NCOA5: variants seen among roughly 807,000 people sequenced by gnomAD.
NCOA5 encodes NCoA-5.
In NCOA5, 12 loss-of-function variants were observed where a neutral mutation model predicts 59.0. That is an observed-to-expected ratio of 0.20 (90% CI 0.13 to 0.33). The LOEUF (loss-of-function observed/expected upper bound fraction) is 0.33. Among genes scored for constraint, NCOA5 ranks in the 10% least tolerant of loss-of-function variants. The probability of loss-of-function intolerance (pLI) is 1.00; values close to 1 mark genes in which losing one functional copy is unlikely to be tolerated. For missense variants in NCOA5, 655 were observed against 766.6 expected (o/e 0.85, Z 1.72); for synonymous variants, 270 against 275.5 (o/e 0.98, Z 0.20).
At chr20:46,086,826 C>T (rs1177169989) in intron 1 of NCOA5, among the ~76,000 whole-genome samples, 1 of 152,154 alleles carries the variant, frequency 6.6e-6, no homozygotes, top group Non-Finnish European at 1.5e-5. Context: ...TCAAAATATT[C>T]ATGAGAGGAT....
Position 46,061,427 on chromosome 20 carries a change from C to T in NCOA5, c.*873G>A, listed in dbSNP as rs1678271141. 6.6e-6 allele frequency: 1 copy of T among 152,548 alleles called. No individual in the cohort carries two copies. The highest frequency in any genetic ancestry group is 2.4e-5 in the African/African-American group (1 of 41,404). The allele number at this position is 152,548 out of a possible 1,614,324, so 9.4% of individuals were successfully genotyped here. A position where few individuals can be genotyped will look rare whatever the true frequency, so the allele number is the denominator to read the frequency against. Reference sequence around the variant, plus strand: ...TCAGGAAACAGAATAAGAGTCTAGACAAAAACAAGAGCCTGGGGTTTTGAG... The same window carrying T: ...TCAGGAAACAGAATAAGAGTCTAGATAAAAACAAGAGCCTGGGGTTTTGAG... On this transcript the variant is annotated 3_prime_UTR_variant, in exon 8 of 8. Coordinates refer to ENST00000290231, the MANE Select transcript of NCOA5 (RefSeq NM_020967.3).
At chr20:46,080,383 T>C (rs999568449) in intron 1 of NCOA5, among the ~76,000 whole-genome samples, 1 of 152,002 alleles carries the variant, frequency 6.6e-6, no homozygotes, top group African/African-American at 2.4e-5. Flanking sequence ...ATACTTCAGA[T>C]GAATGAAGAA....
rs752861803 is a variant in NCOA5 at position 46,067,058 on chromosome 20, G to A, written c.626C>T (p.Thr209Ile). 1 of 1,613,164 alleles carries A rather than the reference G, an allele frequency of 6.2e-7. No homozygotes were observed. The highest frequency in any genetic ancestry group is 8.5e-7 in the Non-Finnish European group (1 of 1,179,746). ...DCSVIVVNKQ[T>I]KDYAESVGRK... Reference sequence around the variant, plus strand: ...AGAAATATCTAAGGGTTCTTACTTTGTCTGTTTGTTGACCACAATCACAGA... The same window carrying A: ...AGAAATATCTAAGGGTTCTTACTTTATCTGTTTGTTGACCACAATCACAGA... Residue 209 changes from threonine to isoleucine, a missense_variant, in exon 5 of 8, where the codon ACA becomes ATA. By Grantham distance (89) the Thr-to-Ile change is moderately conservative. This residue lies in a region of NCOA5 where 80 missense variants were observed against 153.3 expected (regional missense o/e 0.52). Coordinates refer to ENST00000290231, the MANE Select transcript of NCOA5 (RefSeq NM_020967.3).
At chr20:46,078,499 G>A (rs980321502) in intron 2 of NCOA5, among the ~76,000 whole-genome samples, 1 of 151,570 alleles carries the variant, frequency 6.6e-6, no homozygotes, top group Admixed American at 6.6e-5. Context: ...TGTTTCTGGG[G>A]AAAACTGGCT....
rs780938931 is a variant in NCOA5 at position 46,070,425 on chromosome 20, G to A, written c.150C>T (p.Asp50=). ...RDGRNGRDAR[D]SRDIRDPRDL... ...CTCGGGGGTCTCGAATGTCTCTGCT[G>A]TCCCGGGCATCCCGGCCATTTCTGC... Residue 50 remains aspartate, a synonymous_variant, in exon 3 of 8, where the codon GAC becomes GAT. Transcript: ENST00000290231. 2 of 1,613,788 alleles carry A rather than the reference G, an allele frequency of 1.2e-6. No individual in the cohort carries two copies. The highest frequency in any genetic ancestry group is 8.5e-7 in the Non-Finnish European group (1 of 1,179,942).
At chr20:46,082,969 G>C (rs2085007363) in intron 1 of NCOA5, among the ~76,000 whole-genome samples, 1 of 152,246 alleles carries the variant, frequency 6.6e-6, no homozygotes, top group South Asian at 2.1e-4. Context: ...AAATAAAAAT[G>C]CATGTTTCTT....
At chr20:46,071,552 C>T (rs183376836) in intron 2 of NCOA5, among the ~76,000 whole-genome samples, 276 of 152,298 alleles carry the variant, frequency 1.8e-3, no homozygotes, top group Non-Finnish European at 3.1e-3. Flanking sequence ...TCAATTCATT[C>T]AACACATAAA....
At chr20:46,085,733 T>C (rs2145556132) in intron 1 of NCOA5, among the ~76,000 whole-genome samples, 1 of 152,228 alleles carries the variant, frequency 6.6e-6, no homozygotes, top group East Asian at 1.9e-4. Context: ...AGAGTTGGAC[T>C]AGATCCAGAT....
At chr20:46,065,549 A>T (rs1240949017) in intron 5 of NCOA5, among the ~76,000 whole-genome samples, 1 of 152,180 alleles carries the variant, frequency 6.6e-6, no homozygotes, top group Non-Finnish European at 1.5e-5. Flanking sequence ...GGTAGGCTGC[A>T]CAACACAGTG....
intron 1 of NCOA5, among the ~76,000 whole-genome samples, chr20:46,085,218 T>C (rs1047649355): frequency 6.6e-6 from 1 of 151,676 alleles, no homozygotes; most frequent in African/African-American, 2.4e-5. Flanking sequence ...TTTGAGATAC[T>C]GTCTCCCTAT....
At chr20:46,080,292 T>C (rs572381977) in intron 1 of NCOA5, among the ~76,000 whole-genome samples, 2 of 152,316 alleles carry the variant, frequency 1.3e-5, no homozygotes, top group Admixed American at 6.5e-5. Context: ...ATAAATACCA[T>C]GTACTAAGAA....
At position 46,062,505 on chromosome 20, in the gene NCOA5, G is replaced by A; in HGVS notation, c.1535C>T (p.Pro512Leu). The change falls in exon 8 of 8, where the codon CCT (proline) becomes CTT (leucine). Residue 512 changes from proline to leucine, a missense_variant. Pro to Leu is a moderately conservative substitution (Grantham distance 98). This residue lies in a region of NCOA5 where 325 missense variants were observed against 353.2 expected (regional missense o/e 0.92). Transcript: ENST00000290231. ...GCTAGCAGGTGCCAGGCGACTGGAA[G>A]GCTGGCCAAAAAGCCCTTGGGAAGG... ...GAPSQGLFGQ[P>L]SSRLAPASNM... is the part of the protein sequence containing the mutation. 3.7e-6 allele frequency: 6 copies of A among 1,614,186 alleles called. No individual in the cohort carries two copies. The highest frequency in any genetic ancestry group is 5.1e-6 in the Non-Finnish European group (6 of 1,180,028).
At chr20:46,077,786 T>C (rs985210813) in intron 2 of NCOA5, among the ~76,000 whole-genome samples, 2 of 152,222 alleles carry the variant, frequency 1.3e-5, no homozygotes, top group African/African-American at 4.8e-5. Flanking sequence ...GAAGATTAGA[T>C]GCAACTCTTA....
At position 46,062,107 on chromosome 20, in the gene NCOA5, C is replaced by G. The variant is rs2084771979; in HGVS notation, c.*193G>C. On this transcript the variant is annotated 3_prime_UTR_variant, in exon 8 of 8. Coordinates refer to ENST00000290231, the MANE Select transcript of NCOA5 (RefSeq NM_020967.3). ...CAAAAAACAAAAAAAGATACAGCCC[C>G]AAATGCAGTATAAACTTTGTAAGGA... 7 of 517,918 alleles carry G rather than the reference C, an allele frequency of 1.4e-5. No individual in the cohort carries two copies. Among genetic ancestry groups the G allele is most frequent in the Non-Finnish European group, 2.4e-5 (7 of 295,204 alleles). 32.1% of individuals were successfully genotyped at this position (517,918 alleles called of 1,614,324 possible). A position where few individuals can be genotyped will look rare whatever the true frequency, so the allele number is the denominator to read the frequency against.
In NCOA5 at chr20:46,070,133, C is replaced by CAG; in HGVS notation, c.365+75_365+76dup. On this transcript the variant is annotated intron_variant, in intron 3 of 7. Coordinates refer to ENST00000290231, the MANE Select transcript of NCOA5 (RefSeq NM_020967.3). ...AAGGCTGATAAAATGACTGCTCTTACAGAGCTTTCAATTAGTTTAGCAGAA... is the reference window on the plus strand; with the variant it reads ...AAGGCTGATAAAATGACTGCTCTTACAGAGAGCTTTCAATTAGTTTAGCAGAA... 4 of 1,171,492 alleles carry CAG rather than the reference C, an allele frequency of 3.4e-6. 1 individual carries two copies. The South Asian group carries it at 5.7e-5, about 17-fold the overall frequency. The allele number at this position is 1,171,492 out of a possible 1,614,324, so 72.6% of individuals were successfully genotyped here.
intron 1 of NCOA5, among the ~76,000 whole-genome samples, chr20:46,087,945 TAA>T (rs1484622870): frequency 2.0e-5 from 3 of 148,042 alleles, no homozygotes; most frequent in Non-Finnish European, 4.6e-5. Context: ...AACATGTTTT[TAA>T]CAGGGGGAGA....
At chr20:46,086,051 AT>A (rs1004608034) in intron 1 of NCOA5, among the ~76,000 whole-genome samples, 3 of 151,968 alleles carry the variant, frequency 2.0e-5, no homozygotes, top group East Asian at 1.9e-4. Context: ...ACCCTGGCTA[AT>A]TTTTTTTGTA....
intron 2 of NCOA5, 93 bp downstream of exon 2, chr20:46,079,293 TG>T (rs1568885985): frequency 1.7e-6 from 2 of 1,197,618 alleles, no homozygotes; most frequent in Non-Finnish European, 2.5e-6. Context: ...TTTCACTTGT[TG>T]GGGGGAAGAA....
intron 2 of NCOA5, among the ~76,000 whole-genome samples, chr20:46,073,900 C>A (rs1429568242): frequency 1.3e-5 from 2 of 152,200 alleles, no homozygotes; most frequent in East Asian, 3.9e-4. Flanking sequence ...GAGGGCAAGC[C>A]CCACCCTTTC....
Sources: gnomAD v4.1 joint callset for allele counts (sites outside exome capture counted in the v4.1 genomes callset) on GRCh38, gnomAD v4.1.1 for gene constraint, gnomAD v4.1.1 regional missense constraint, MANE v1.5 for transcripts, NCBI Gene and HGNC (gene_info 2026-07-23, HGNC 2026-07-21) for gene names.